The following ARFGAP2 variants were observed in gnomAD, a reference collection of about 807,000 sequenced individuals.
ARFGAP2 encodes the protein ADP-ribosylation factor GTPase-activating protein 2.
ARFGAP2 carries 45 observed loss-of-function variants against 71.9 expected under a neutral mutation model. The observed-to-expected ratio is 0.63, with a 90% CI of 0.49 to 0.80. The LOEUF (loss-of-function observed/expected upper bound fraction) is 0.80. Among genes scored for constraint, ARFGAP2 ranks in the 30% least tolerant of loss-of-function variants. The pLI is 0.00. For synonymous variants in ARFGAP2, 248 were observed against 249.2 expected (o/e 1.00, Z 0.05); for missense variants, 633 against 673.9 (o/e 0.94, Z 0.67).
At chr11:47,170,323 C>CA (rs34843394) in intron 10 of ARFGAP2, among the ~76,000 whole-genome samples, 253 of 73,710 alleles carry the variant, frequency 3.4e-3, no homozygotes, top group South Asian at 5.1e-3. Flanking sequence ...GACTCCATCT[C>CA]AAAAAAAAAA....
Position 47,173,744 on chromosome 11 carries a change from C to T in ARFGAP2, c.562+15G>A. ...TAGGACCAGGGCACCTGGTTGGAAT[C>T]TGGGCTGAACTCACGTGCCAGGCCA... is the stretch of plus-strand genomic sequence containing the variant. On this transcript the variant is annotated intron_variant, in intron 6 of 15. Transcript: ENST00000524782. 6.3e-7 allele frequency: 1 copy of T among 1,588,884 alleles called. No homozygotes were observed. Among genetic ancestry groups the T allele is most frequent in the Non-Finnish European group, 8.6e-7 (1 of 1,166,682 alleles).
In ARFGAP2 at chr11:47,171,654, A is replaced by C; in HGVS notation, c.809+10T>G. ...CGCAGAAGCCTGAGGCCCCGGCAGC[A>C]AACACTTACATGGACTCCTCCGCCT... On this transcript the variant is annotated intron_variant, in intron 9 of 15. Coordinates refer to ENST00000524782, the MANE Select transcript of ARFGAP2 (RefSeq NM_032389.6). The C allele has an allele frequency of 6.2e-7, 1 of 1,613,810 alleles. No individual in the cohort carries two copies. Among genetic ancestry groups the C allele is most frequent in the African/African-American group, 1.3e-5 (1 of 75,062 alleles).
chr11:47,165,583 C>A (rs1359434475), intron 15 of ARFGAP2, 81 bp from the exon 16 acceptor site: 2 of 1,403,500 alleles, frequency 1.4e-6, no homozygotes, highest in Non-Finnish European at 1.9e-6. Flanking sequence ...ACACTGCCTG[C>A]CCCAGCACCC....
At position 47,173,454 on chromosome 11, in the gene ARFGAP2, C is replaced by G. The variant is rs558468022; in HGVS notation, c.591G>C (p.Leu197=). The change falls in exon 7 of 16, where the codon CTG becomes CTC. Residue 197 remains leucine, a synonymous_variant. Coordinates refer to ENST00000524782, the MANE Select transcript of ARFGAP2 (RefSeq NM_032389.6). Reference sequence around the variant, plus strand: ...GTGAGGCTTTGGGTGAGGTGCCAAGCAGGTCTGTGTTGGGGCCATGCTCCG... The same window carrying G: ...GTGAGGCTTTGGGTGAGGTGCCAAGGAGGTCTGTGTTGGGGCCATGCTCCG... ...AQPEHGPNTD[L]LGTSPKASLE... 2 of 1,559,058 alleles carry G rather than the reference C, an allele frequency of 1.3e-6. No individual in the cohort carries two copies. Among genetic ancestry groups the G allele is most frequent in the Non-Finnish European group, 1.7e-6 (2 of 1,151,342 alleles).
Position 47,172,757 on chromosome 11 carries a change from G to A in ARFGAP2, c.620-424C>T, listed in dbSNP as rs923281092. The A allele has an allele frequency of 1.5e-5, 20 of 1,292,730 alleles. No individual in the cohort carries two copies. The African/African-American group carries it at 2.6e-4, about 17-fold the overall frequency. 80.1% of individuals were successfully genotyped at this position (1,292,730 alleles called of 1,614,324 possible). ...AGCTGACAGATACACGGACTCTGGAGGAGAAACAGACTTGTGGCTAACAAG... is the reference window on the plus strand; with the variant it reads ...AGCTGACAGATACACGGACTCTGGAAGAGAAACAGACTTGTGGCTAACAAG... On this transcript the variant is annotated intron_variant, in intron 7 of 15. Transcript: ENST00000524782.
chr11:47,175,370 T>C, intron 3 of ARFGAP2, 57 bp from the exon 4 acceptor site: 1 of 1,612,688 alleles, frequency 6.2e-7, no homozygotes, highest in South Asian at 1.1e-5. Flanking sequence ...GAAGGAAACG[T>C]GTTGGCTGTA....
At position 47,173,431 on chromosome 11, in the gene ARFGAP2, G is replaced by T; in HGVS notation, c.614C>A (p.Ser205Ter). 6.4e-7 allele frequency: 1 copy of T among 1,555,588 alleles called. No homozygotes were observed. Among genetic ancestry groups the T allele is most frequent in the Non-Finnish European group, 8.7e-7 (1 of 1,149,278 alleles). Reference sequence around the variant, plus strand: ...CTGCCCGCTGGCATACTGACCCAGTGAGGCTTTGGGTGAGGTGCCAAGCAG... The same window carrying T: ...CTGCCCGCTGGCATACTGACCCAGTTAGGCTTTGGGTGAGGTGCCAAGCAG... ...TDLLGTSPKA[S>*]LELKSSIIGK... is the part of the protein sequence containing the mutation. Residue 205 changes from serine to a stop codon, truncating the protein, a stop_gained, in exon 7 of 16, where the codon TCA becomes TAA. Transcript: ENST00000524782. LOFTEE classifies it high-confidence loss of function.
chr11:47,166,208 T>C, intron 15 of ARFGAP2, 60 bp downstream of exon 15: 1 of 1,544,194 alleles, frequency 6.5e-7, no homozygotes, highest in Non-Finnish European at 8.9e-7. Flanking sequence ...GCAGTGTCTC[T>C]ATGTGGTGGC....
intron 7 of ARFGAP2, 112 bp downstream of exon 7, chr11:47,173,314 G>A: frequency 3.3e-6 from 4 of 1,212,990 alleles, no homozygotes; most frequent in East Asian, 2.5e-5. Flanking sequence ...TCAGATAGAT[G>A]CTCAGTCTCC....
Position 47,168,024 on chromosome 11 carries a change from A to C in ARFGAP2, c.1090T>G (p.Ser364Ala). Residue 364 changes from serine to alanine, a missense_variant, in exon 12 of 16, where the codon TCC becomes GCC. Physicochemically the swap from Ser to Ala is moderately conservative, Grantham distance 99. Transcript: ENST00000524782. ...CGGGAGCCAAAGCTTTCCCCTAAGG[A>C]AAAGGGATTGTCCTTGTACCTAGGG... ...GPPKYKDNPF[S>A]LGESFGSRWD... The C allele has an allele frequency of 6.2e-7, 1 of 1,614,108 alleles. No individual in the cohort carries two copies. The highest frequency in any genetic ancestry group is 8.5e-7 in the Non-Finnish European group (1 of 1,180,028).
At position 47,175,207 on chromosome 11, in the gene ARFGAP2, G is replaced by A. The variant is rs137875805; in HGVS notation, c.371C>T (p.Ala124Val). The A allele has an allele frequency of 4.2e-5, 68 of 1,613,998 alleles. No homozygotes were observed. Among genetic ancestry groups the A allele is most frequent in the Admixed American group, 4.2e-4 (25 of 60,000 alleles). ...YREKIRQLGS[A>V]ALARHGTDLW... ...ATCAGTGCCATGCCTAGCCAGGGCC[G>A]CACTCCCCAGCTGCCGGATCTTCTC... Residue 124 changes from alanine to valine, a missense_variant, in exon 4 of 16, where the codon GCG (alanine) becomes GTG (valine). Physicochemically the swap from Ala to Val is moderately conservative, Grantham distance 64 (BLOSUM62 0). Transcript: ENST00000524782.
Position 47,175,279 on chromosome 11 carries a change from T to G in ARFGAP2, c.299A>C (p.Asn100Thr). The change falls in exon 4 of 16, where the codon AAT becomes ACT. Residue 100 changes from asparagine to threonine, a missense_variant. Coordinates refer to ENST00000524782, the MANE Select transcript of ARFGAP2 (RefSeq NM_032389.6). Reference protein sequence around the residue: ...AFFRQHGCTANDANTKYNSRA... With the variant: ...AFFRQHGCTATDANTKYNSRA... Reference sequence around the variant, plus strand: ...GCTATTATATTTGGTGTTGGCATCATTGGCTGTGCATCCATGTTGGCGAAA... The same window carrying G: ...GCTATTATATTTGGTGTTGGCATCAGTGGCTGTGCATCCATGTTGGCGAAA... 6.2e-7 allele frequency: 1 copy of G among 1,614,170 alleles called. No homozygotes were observed. The highest frequency in any genetic ancestry group is 8.5e-7 in the Non-Finnish European group (1 of 1,180,020).
At chr11:47,173,708 G>A in intron 6 of ARFGAP2, 51 bp downstream of exon 6, 3 of 1,544,096 alleles carry the variant, frequency 1.9e-6, no homozygotes, top group Non-Finnish European at 2.6e-6. Flanking sequence ...TCCAAACCCT[G>A]AGTCCTCTCC....
At position 47,176,644 on chromosome 11, in the gene ARFGAP2, G is replaced by A. The variant is rs781481974; in HGVS notation, c.73-10C>T. 1.2e-5 allele frequency: 19 copies of A among 1,613,806 alleles called. No homozygotes were observed. Among genetic ancestry groups the A allele is most frequent in the East Asian group, 4.5e-5 (2 of 44,884 alleles). ...CGCAGTCGAAACAGGCCTGGGTGGA[G>A]GCGGCGATGAGCGAATCGTCAGGGG... On this transcript the variant is annotated splice_polypyrimidine_tract_variant and intron_variant, in intron 1 of 15. Transcript: ENST00000524782.
chr11:47,164,701 G>C lies in ARFGAP2; in HGVS notation c.*781C>G, dbSNP rs1952282507. On this transcript the variant is annotated 3_prime_UTR_variant, in exon 16 of 16. Transcript: ENST00000524782. ...TCCAGAGTCGAATCACAGCAGACAA[G>C]ACCCTCCATGGCCACCAACCCGGGG... 6.4e-6 allele frequency: 1 copy of C among 156,224 alleles called. No individual in the cohort carries two copies. The highest frequency in any genetic ancestry group is 1.4e-5 in the Non-Finnish European group (1 of 70,600). The allele number at this position is 156,224 out of a possible 1,614,324, so 9.7% of individuals were successfully genotyped here.
intron 2 of ARFGAP2, 50 bp downstream of exon 2, chr11:47,176,466 A>T: frequency 6.4e-7 from 1 of 1,555,452 alleles, no homozygotes; most frequent in Non-Finnish European, 8.9e-7. Flanking sequence ...TGTTGCCCAG[A>T]CACCCCTGGC....
chr11:47,168,974 C>T (rs1435087023), intron 10 of ARFGAP2, among the ~76,000 whole-genome samples: 1 of 151,028 alleles, frequency 6.6e-6, no homozygotes, highest in Non-Finnish European at 1.5e-5. Flanking sequence ...GGGAAATGAA[C>T]ATAACTGCAT....
chr11:47,166,465 C>G (rs753014345), intron 14 of ARFGAP2, 41 bp downstream of exon 14: 10 of 1,612,220 alleles, frequency 6.2e-6, no homozygotes, highest in Non-Finnish European at 8.5e-6. Flanking sequence ...CGCCCTGCTC[C>G]CAGGCCTCAC....
intron 7 of ARFGAP2, chr11:47,172,957 C>T (rs137883731): frequency 1.3e-4 from 47 of 369,026 alleles, no homozygotes; most frequent in African/African-American, 8.7e-4. Flanking sequence ...ATGGACTGTT[C>T]GCCCTGAACC....
Sources: gnomAD v4.1 joint callset for allele counts (sites outside exome capture counted in the v4.1 genomes callset) on GRCh38, gnomAD v4.1.1 for gene constraint, MANE v1.5 for transcripts, NCBI Gene and HGNC (gene_info 2026-07-23, HGNC 2026-07-21) for gene names.